Variants in PDE4D observed in about 807,000 individuals in gnomAD.
The protein encoded by PDE4D is 3',5'-cyclic-AMP phosphodiesterase 4D.
PDE4D carries 24 observed loss-of-function variants against 87.4 expected under a neutral mutation model. The observed-to-expected ratio is 0.27, with a 90% CI of 0.20 to 0.39. The LOEUF is 0.39. Among genes scored for constraint, PDE4D ranks in the 10% least tolerant of loss-of-function variants. The pLI is 1.00. For synonymous variants in PDE4D, 384 were observed against 383.2 expected, an observed-to-expected ratio of 1.00 and a Z score of -0.02; for missense variants, 714 against 1,041.0, an observed-to-expected ratio of 0.69 and a Z score of 4.32.
chr5:60,154,026 A>G (rs561461842), intron 2 of PDE4D, among the ~76,000 whole-genome samples: 14 of 152,094 alleles, frequency 9.2e-5, no homozygotes, highest in Non-Finnish European at 1.8e-4. Context: ...TCTTACCATA[A>G]TAAAAAAACA....
At chr5:59,416,130 A>G (rs901000571) in intron 1 of PDE4D, among the ~76,000 whole-genome samples, 1 of 152,200 alleles carries the variant, frequency 6.6e-6, no homozygotes, top group Non-Finnish European at 1.5e-5. Context: ...CAACAATTTC[A>G]CAGTTGTCAG....
chr5:59,426,261 T>C (rs1003153597), intron 1 of PDE4D, among the ~76,000 whole-genome samples: 10 of 152,198 alleles, frequency 6.6e-5, no homozygotes, highest in Admixed American at 4.6e-4. Flanking sequence ...AGTATTTTCT[T>C]ATGACCGTCC....
At chr5:59,029,330 C>A (rs950282257) in intron 6 of PDE4D, among the ~76,000 whole-genome samples, 1 of 141,020 alleles carries the variant, frequency 7.1e-6, no homozygotes, top group African/African-American at 2.6e-5. Context: ...GGCAGGAGAA[C>A]GGCGTGAACC....
rs577272867 is a variant in PDE4D at position 60,172,101 on chromosome 5, AATAT to A, written c.42+13452_42+13455del. Among the ~76,000 whole-genome samples, 4 of 147,112 alleles carry A rather than the reference AATAT, an allele frequency of 2.7e-5. No homozygotes were observed. In the Admixed American group the frequency reaches 2.7e-4, roughly 10 times the overall value. On this transcript the variant is annotated intron_variant, in intron 2 of 16. Coordinates refer to the PDE4D transcript ENST00000502484. The stretch of plus-strand genomic sequence containing the variant: ...AATAGTTTTGAGAACTAAATGAGTG[AATAT>A]ATATATATTATATTATATATATAAT...
rs888604566 is a variant in PDE4D at position 60,518,410 on chromosome 5, G to C, written n.70+3641C>G. On this transcript the variant is annotated intron_variant and non_coding_transcript_variant, in intron 1 of 2. Transcript: ENST00000506510. ...GTGACATTTTCCCCATTTTGCAAGT[G>C]AAGCAGATGAGGCACAGAATTTTTA... Among the ~76,000 whole-genome samples, 3 of 152,308 alleles carry C rather than the reference G, an allele frequency of 2.0e-5. No homozygotes were observed. The South Asian group carries it at 6.2e-4, about 32-fold the overall frequency.
intron 2 of PDE4D, among the ~76,000 whole-genome samples, chr5:60,184,394 C>T (rs1784613444): frequency 1.3e-5 from 2 of 152,024 alleles, no homozygotes; most frequent in Admixed American, 1.3e-4. Context: ...AGGTCACCTC[C>T]TATTACAGTG....
chr5:59,992,794 A>G (rs759804706), intron 2 of PDE4D, among the ~76,000 whole-genome samples: 1 of 152,192 alleles, frequency 6.6e-6, no homozygotes, highest in Non-Finnish European at 1.5e-5. Flanking sequence ...CCCACTTTCT[A>G]TAAATACTTT....
chr5:59,884,912 T>C (rs1381079691), intron 1 of PDE4D, among the ~76,000 whole-genome samples: 1 of 152,072 alleles, frequency 6.6e-6, no homozygotes, highest in South Asian at 2.1e-4. Flanking sequence ...TTCAAATGTA[T>C]ATTTGTCATA....
intron 1 of PDE4D, among the ~76,000 whole-genome samples, chr5:59,534,887 T>A (rs1814871017): frequency 6.6e-6 from 1 of 152,052 alleles, no homozygotes; most frequent in Admixed American, 6.6e-5. Context: ...GAGGCCAGAA[T>A]GTGAGAAACC....
intron 1 of PDE4D, among the ~76,000 whole-genome samples, chr5:59,459,879 T>A (rs1185696868): frequency 6.6e-6 from 1 of 152,178 alleles, no homozygotes; most frequent in Non-Finnish European, 1.5e-5. Context: ...CCCTAGAGCA[T>A]GTGAAGTCAG....
At chr5:59,111,659 A>G (rs1276123713) in intron 5 of PDE4D, among the ~76,000 whole-genome samples, 1 of 152,230 alleles carries the variant, frequency 6.6e-6, no homozygotes, top group African/African-American at 2.4e-5. Context: ...CTAAATCCCA[A>G]GGGGAATGAG....
At chr5:59,252,159 C>A (rs1046991656) in intron 1 of PDE4D, among the ~76,000 whole-genome samples, 1 of 152,028 alleles carries the variant, frequency 6.6e-6, no homozygotes, top group African/African-American at 2.4e-5. Context: ...TTCACATGTA[C>A]CCCCAAACCT....
chr5:59,721,329 A>T (rs1755800403), intron 1 of PDE4D, among the ~76,000 whole-genome samples: 1 of 152,204 alleles, frequency 6.6e-6, no homozygotes, highest in Non-Finnish European at 1.5e-5. Context: ...GTAATGCCTG[A>T]TGCAGGCATA....
In PDE4D at chr5:59,924,366, T is replaced by G. The variant is rs112228722; in HGVS notation, c.272+64122A>C. 2.0e-5 allele frequency among the ~76,000 whole-genome samples: 3 copies of G among 152,160 alleles called. 1 individual carries two copies. Among genetic ancestry groups the G allele is most frequent in the African/African-American group, 7.2e-5 (3 of 41,504 alleles). On this transcript the variant is annotated intron_variant, in intron 3 of 16. Coordinates refer to the PDE4D transcript ENST00000502484. ...CCAAAGCTAGGGAATTATATCAATA[T>G]TCAAGTACAAGAAGGTTATAGAACA...
chr5:59,053,655 G>GTTTTTTTTTTTTTTTTTTTTTTT (rs1367942598), intron 5 of PDE4D, among the ~76,000 whole-genome samples: 1 of 74,898 alleles, frequency 1.3e-5, no homozygotes, highest in African/African-American at 5.4e-5. Context: ...GTTTTTTTTT[G>GTTTTTTTTTTTTTTTTTTTTTTT]TTGTTGTTTT....
At chr5:60,240,285 A>G (rs1746939441) in intron 1 of PDE4D, among the ~76,000 whole-genome samples, 1 of 152,030 alleles carries the variant, frequency 6.6e-6, no homozygotes, top group South Asian at 2.1e-4. Flanking sequence ...CAGGAACACC[A>G]AATGTAACAA....
intron 1 of PDE4D, among the ~76,000 whole-genome samples, chr5:59,326,501 A>G (rs188990638): frequency 6.6e-6 from 1 of 152,154 alleles, no homozygotes; most frequent in Non-Finnish European, 1.5e-5. Flanking sequence ...AGATGTGTCA[A>G]AAATATAATA....
intron 2 of PDE4D, among the ~76,000 whole-genome samples, chr5:60,154,522 C>T (rs542798784): frequency 1.1e-4 from 16 of 152,276 alleles, no homozygotes; most frequent in African/African-American, 3.8e-4. Context: ...GATCCATCCG[C>T]CTCAGCCCCC....
chr5:60,480,554 C>A (rs1416885119), intron 1 of PDE4D, among the ~76,000 whole-genome samples: 1 of 146,350 alleles, frequency 6.8e-6, no homozygotes, highest in African/African-American at 2.7e-5. Context: ...TGAACCCAGG[C>A]AGTCTGGCTC....
Sources: allele counts gnomAD v4.1 joint callset (sites outside exome capture counted in the v4.1 genomes callset), GRCh38; gene constraint gnomAD v4.1.1; transcripts MANE v1.5; gene names NCBI Gene and HGNC (gene_info 2026-07-23, HGNC 2026-07-21).